Variants in SLC10A7 observed in about 807,000 individuals in gnomAD.
The protein encoded by SLC10A7 is sodium/bile acid cotransporter 7.
A neutral mutation model predicts 43.2 loss-of-function variants in SLC10A7; 29 were observed. That is an observed-to-expected ratio of 0.67 (90% CI 0.50 to 0.92). The LOEUF (loss-of-function observed/expected upper bound fraction) is 0.92, where lower values mean the gene tolerates loss of function less well. Ranked by LOEUF, SLC10A7 falls within the 40% of genes least tolerant of loss-of-function variation. The probability of loss-of-function intolerance (pLI) is 0.00; values close to 1 mark genes in which losing one functional copy is unlikely to be tolerated. For synonymous variants in SLC10A7, 152 were observed against 144.8 expected (o/e 1.05, Z -0.35); for missense variants, 295 against 403.2 (o/e 0.73, Z 2.30).
intron 4 of SLC10A7, among the ~76,000 whole-genome samples, chr4:146,490,840 G>A (rs943696119): frequency 1.3e-5 from 2 of 152,234 alleles, no homozygotes; most frequent in Non-Finnish European, 2.9e-5. Flanking sequence ...TAGAGCTGTG[G>A]AAATTACTTC....
intron 10 of SLC10A7, among the ~76,000 whole-genome samples, chr4:146,268,122 T>A (rs1053972856): frequency 8.5e-5 from 13 of 152,200 alleles, no homozygotes; most frequent in African/African-American, 2.9e-4. Flanking sequence ...ACTAGGAAAC[T>A]GCTTTCCTGT....
chr4:146,415,859 T>G (rs961328763), intron 5 of SLC10A7, among the ~76,000 whole-genome samples: 1 of 152,182 alleles, frequency 6.6e-6, no homozygotes, highest in Non-Finnish European at 1.5e-5. Flanking sequence ...CCAACCAGCT[T>G]GAAATATCAT....
chr4:146,356,726 T>G (rs1735675572), intron 5 of SLC10A7, among the ~76,000 whole-genome samples: 2 of 152,188 alleles, frequency 1.3e-5, no homozygotes, highest in Non-Finnish European at 2.9e-5. Context: ...AACTAAGCTC[T>G]ACAAGGGATT....
intron 6 of SLC10A7, among the ~76,000 whole-genome samples, chr4:146,325,621 A>G (rs1019231109): frequency 3.3e-5 from 5 of 152,130 alleles, no homozygotes; most frequent in Non-Finnish European, 7.3e-5. Flanking sequence ...GTTAAACACT[A>G]TCAAACACTG....
intron 10 of SLC10A7, among the ~76,000 whole-genome samples, chr4:146,266,080 A>G (rs968485915): frequency 6.6e-6 from 1 of 152,094 alleles, no homozygotes; most frequent in Non-Finnish European, 1.5e-5. Context: ...CTGACTTTTC[A>G]CTGGGTTTTG....
At chr4:146,515,238 T>C (rs954763556) in intron 2 of SLC10A7, 43 of 695,106 alleles carry the variant, frequency 6.2e-5, no homozygotes, top group Admixed American at 1.2e-4. Context: ...CCAGGGGACA[T>C]AGAGCAACGC....
At chr4:146,514,149 A>G (rs1200405955) in intron 2 of SLC10A7, 1 of 152,230 alleles carries the variant, frequency 6.6e-6, no homozygotes, top group Non-Finnish European at 1.5e-5. Flanking sequence ...GGCTTGAAAC[A>G]AACAGCACAC....
At chr4:146,313,725 A>C (rs1732136582) in intron 6 of SLC10A7, among the ~76,000 whole-genome samples, 1 of 152,166 alleles carries the variant, frequency 6.6e-6, no homozygotes, top group African/African-American at 2.4e-5. Context: ...TTACTACGGA[A>C]ACTAATGATG....
intron 5 of SLC10A7, among the ~76,000 whole-genome samples, chr4:146,431,743 T>C (rs1034856552): frequency 2.0e-5 from 3 of 151,980 alleles, no homozygotes; most frequent in African/African-American, 4.8e-5. Flanking sequence ...GGATTTCTTA[T>C]ATAGGATACA....
intron 4 of SLC10A7, among the ~76,000 whole-genome samples, chr4:146,500,368 C>T (rs1736283562): frequency 6.6e-6 from 1 of 152,002 alleles, no homozygotes; most frequent in Admixed American, 6.6e-5. Flanking sequence ...TCAATACTAC[C>T]TACCTCATCA....
intron 9 of SLC10A7, among the ~76,000 whole-genome samples, chr4:146,288,773 C>A (rs927311946): frequency 2.0e-5 from 3 of 152,180 alleles, no homozygotes; most frequent in African/African-American, 7.2e-5. Context: ...TATTTTCTAA[C>A]TCTACCTTAT....
intron 5 of SLC10A7, chr4:146,408,668 G>A (rs1379078145): frequency 6.6e-6 from 1 of 152,060 alleles, no homozygotes; most frequent in African/African-American, 2.4e-5. Flanking sequence ...TCTTGGGCCT[G>A]ATGTTCAACA....
At chr4:146,347,160 G>A (rs528406257) in intron 5 of SLC10A7, among the ~76,000 whole-genome samples, 2 of 152,080 alleles carry the variant, frequency 1.3e-5, no homozygotes, top group Non-Finnish European at 2.9e-5. Context: ...GAATGGTGGG[G>A]GTCAGAACAG....
intron 5 of SLC10A7, among the ~76,000 whole-genome samples, chr4:146,333,910 A>T (rs1007358640): frequency 1.3e-5 from 2 of 152,278 alleles, no homozygotes; most frequent in Non-Finnish European, 2.9e-5. Context: ...GACTCCAGGC[A>T]GAAGATGATC....
chr4:146,437,240 T>C (rs1209485186), intron 5 of SLC10A7, among the ~76,000 whole-genome samples: 1 of 152,084 alleles, frequency 6.6e-6, no homozygotes, highest in Non-Finnish European at 1.5e-5. Context: ...CAATCCAGCT[T>C]TTATGATGTT....
intron 5 of SLC10A7, among the ~76,000 whole-genome samples, chr4:146,441,013 AC>A (rs2149888452): frequency 6.6e-6 from 1 of 152,292 alleles, no homozygotes; most frequent in Non-Finnish European, 1.5e-5. Context: ...CGGCTTGTTA[AC>A]TTTTACATTG....
chr4:146,256,483 C>G lies in SLC10A7; in HGVS notation c.*8G>C. 3 of 1,613,964 alleles carry G rather than the reference C, an allele frequency of 1.9e-6. No individual in the cohort carries two copies. Among genetic ancestry groups the G allele is most frequent in the Non-Finnish European group, 2.5e-6 (3 of 1,179,852 alleles). ...ATATACATTGCTACAGAAAGTCCAC[C>G]TCCTTTGTTATACTGTCGGCCTTGT... On this transcript the variant is annotated 3_prime_UTR_variant, in exon 12 of 12. Transcript: ENST00000335472.
intron 5 of SLC10A7, among the ~76,000 whole-genome samples, chr4:146,408,145 A>G (rs1384037284): frequency 3.3e-5 from 5 of 152,180 alleles, no homozygotes; most frequent in Non-Finnish European, 7.3e-5. Flanking sequence ...ATAACAGGAT[A>G]GCATATCAGC....
chr4:146,479,592 T>C (rs1368644669), intron 4 of SLC10A7, among the ~76,000 whole-genome samples: 1 of 152,148 alleles, frequency 6.6e-6, no homozygotes, highest in Non-Finnish European at 1.5e-5. Context: ...AAAAGTAGAC[T>C]GGTAGTTGCC....
Sources: gnomAD v4.1 joint callset for allele counts (sites outside exome capture counted in the v4.1 genomes callset) on GRCh38, gnomAD v4.1.1 for gene constraint, MANE v1.5 for transcripts, NCBI Gene and HGNC (gene_info 2026-07-23, HGNC 2026-07-21) for gene names.